FAM107B: variants seen among roughly 807,000 people sequenced by gnomAD.
FAM107B encodes protein FAM107B.
Under a neutral mutation model 31.5 loss-of-function variants are expected in FAM107B, and 21 were observed. The ratio of observed to expected loss-of-function variants is 0.67; its 90% CI spans 0.47 to 0.96. The LOEUF (loss-of-function observed/expected upper bound fraction) is 0.96, where lower values mean the gene tolerates loss of function less well. FAM107B is among the 40% of genes least tolerant of loss of function. The pLI is 0.00. For missense variants in FAM107B, 452 were observed against 377.1 expected (o/e 1.20, Z -1.64); for synonymous variants, 157 against 141.5 (o/e 1.11, Z -0.78).
intron 1 of FAM107B, among the ~76,000 whole-genome samples, chr10:14,684,489 A>C (rs1396153785): frequency 6.6e-6 from 1 of 152,038 alleles, no homozygotes; most frequent in East Asian, 1.9e-4. Context: ...AAATGGCAAC[A>C]ATTCCATTCA....
chr10:14,762,313 T>C (rs769523767), intron 1 of FAM107B, among the ~76,000 whole-genome samples: 2 of 152,184 alleles, frequency 1.3e-5, no homozygotes, highest in African/African-American at 2.4e-5. Context: ...TCACAGATGG[T>C]TAGTTAGTCA....
intron 2 of FAM107B, among the ~76,000 whole-genome samples, chr10:14,638,747 T>G (rs1389576034): frequency 6.6e-6 from 1 of 152,218 alleles, no homozygotes; most frequent in Admixed American, 6.5e-5. Context: ...TTTGCCGTGC[T>G]GCAGCCAATA....
chr10:14,574,935 A>G (rs1851416767), intron 2 of FAM107B, among the ~76,000 whole-genome samples: 1 of 152,176 alleles, frequency 6.6e-6, no homozygotes, highest in South Asian at 2.1e-4. Context: ...CCTAGGGTAC[A>G]GTGTGCCCCA....
chr10:14,746,953 T>A (rs1832737371), intron 1 of FAM107B, among the ~76,000 whole-genome samples: 1 of 152,238 alleles, frequency 6.6e-6, no homozygotes, highest in Non-Finnish European at 1.5e-5. Flanking sequence ...TTGGTCTTTT[T>A]ACATAATCCC....
At chr10:14,577,247 G>GT (rs1186239520) in intron 2 of FAM107B, among the ~76,000 whole-genome samples, 5 of 152,222 alleles carry the variant, frequency 3.3e-5, no homozygotes, top group African/African-American at 1.2e-4. Context: ...ACAGAAAACA[G>GT]TTTATGATAC....
chr10:14,692,575 C>G (rs1293996979), intron 1 of FAM107B, among the ~76,000 whole-genome samples: 1 of 152,220 alleles, frequency 6.6e-6, no homozygotes, highest in Non-Finnish European at 1.5e-5. Context: ...ATCTACCTTA[C>G]TTTCCCCTTC....
intron 2 of FAM107B, among the ~76,000 whole-genome samples, chr10:14,625,123 G>T (rs575224138): frequency 5.6e-4 from 85 of 152,072 alleles, no homozygotes; most frequent in African/African-American, 1.9e-3. Flanking sequence ...TACTTGGGAG[G>T]CTGAGGCAGG....
intron 2 of FAM107B, among the ~76,000 whole-genome samples, chr10:14,664,444 G>C (rs1251432702): frequency 5.3e-5 from 8 of 152,098 alleles, no homozygotes; most frequent in Admixed American, 4.6e-4. Context: ...TACAACAGTG[G>C]ACCCATAAGA....
At chr10:14,752,397 A>C (rs12269022) in intron 1 of FAM107B, among the ~76,000 whole-genome samples, 18,204 of 152,206 alleles carry the variant, frequency 0.12, 2,517 homozygotes, top group African/African-American at 0.33. Context: ...AGGTTTCCCT[A>C]TCCCATTCTA....
rs1414745563 is a variant in FAM107B at position 14,518,648 on chromosome 10, CA to C, written c.*2541del. ...ATTCTTTAATACTTTCCGTTAAAAA[CA>C]ATTATACAAGAGCAAATACAAAAAA... On this transcript the variant is annotated 3_prime_UTR_variant, in exon 5 of 5. Coordinates refer to ENST00000181796, the MANE Select transcript of FAM107B (RefSeq NM_031453.4). The C allele has an allele frequency of 1.3e-5, 2 of 152,564 alleles. No individual in the cohort carries two copies. The highest frequency in any genetic ancestry group is 2.9e-5 in the Non-Finnish European group (2 of 68,030). 9.5% of individuals were successfully genotyped at this position (152,564 alleles called of 1,614,324 possible).
At chr10:14,556,317 A>C in intron 2 of FAM107B, 1 of 981,400 alleles carries the variant, frequency 1.0e-6, no homozygotes. Flanking sequence ...TAAAGTCATC[A>C]ATGGTGACTC....
chr10:14,525,951 C>A (rs575372005), intron 3 of FAM107B, among the ~76,000 whole-genome samples: 2 of 152,310 alleles, frequency 1.3e-5, no homozygotes, highest in East Asian at 3.9e-4. Context: ...TAAATACATT[C>A]AAGGGCAGAC....
chr10:14,577,353 C>T (rs755049412), intron 2 of FAM107B, among the ~76,000 whole-genome samples: 22 of 152,190 alleles, frequency 1.4e-4, no homozygotes, highest in Non-Finnish European at 2.6e-4. Context: ...GTTCTAATAA[C>T]GTATTCTCGA....
chr10:14,576,524 C>G (rs1407979489), intron 2 of FAM107B, among the ~76,000 whole-genome samples: 1 of 101,522 alleles, frequency 9.9e-6, no homozygotes, highest in African/African-American at 3.7e-5. Context: ...AAGACTACAT[C>G]TCAAAAACAA....
At chr10:14,586,207 C>T (rs1337315115) in intron 2 of FAM107B, among the ~76,000 whole-genome samples, 1 of 152,206 alleles carries the variant, frequency 6.6e-6, no homozygotes, top group Non-Finnish European at 1.5e-5. Flanking sequence ...CTACAACTCA[C>T]ATCCTCCTTA....
chr10:14,633,094 G>A (rs1194654366), intron 2 of FAM107B, among the ~76,000 whole-genome samples: 2 of 151,936 alleles, frequency 1.3e-5, no homozygotes, highest in Non-Finnish European at 2.9e-5. Context: ...AGCTACTCAG[G>A]AGGCTGAGGC....
chr10:14,557,795 A>G (rs540714523), intron 2 of FAM107B, among the ~76,000 whole-genome samples: 1 of 152,202 alleles, frequency 6.6e-6, no homozygotes, highest in Non-Finnish European at 1.5e-5. Context: ...CAGCCTGCCC[A>G]TGGTGATGCC....
At chr10:14,533,768 G>A (rs1007419648) in intron 2 of FAM107B, among the ~76,000 whole-genome samples, 6 of 152,194 alleles carry the variant, frequency 3.9e-5, no homozygotes, top group Admixed American at 3.3e-4. Context: ...AATGACTTTA[G>A]TTCTGAATCT....
At chr10:14,587,923 T>C (rs893908928) in intron 2 of FAM107B, among the ~76,000 whole-genome samples, 2 of 152,202 alleles carry the variant, frequency 1.3e-5, no homozygotes, top group Non-Finnish European at 2.9e-5. Flanking sequence ...CTCAATCCTA[T>C]GATAACTGCT....
Sources: allele counts gnomAD v4.1 joint callset (sites outside exome capture counted in the v4.1 genomes callset), GRCh38; gene constraint gnomAD v4.1.1; transcripts MANE v1.5; gene names NCBI Gene and HGNC (gene_info 2026-07-23, HGNC 2026-07-21).